FBXO9: variants seen among roughly 807,000 people sequenced by gnomAD.
FBXO9 encodes F-box only protein 9.
FBXO9 carries 43 observed loss-of-function variants against 63.7 expected under a neutral mutation model. That is an observed-to-expected ratio of 0.67 (90% confidence interval 0.53 to 0.87). The LOEUF is 0.87. Ranked by LOEUF, FBXO9 falls within the 40% of genes least tolerant of loss-of-function variation. The pLI is 0.00. For missense variants in FBXO9, 442 were observed against 533.2 expected (o/e 0.83, Z 1.68); for synonymous variants, 156 against 171.7 (o/e 0.91, Z 0.72).
In FBXO9 at chr6:53,087,449, A is replaced by G. The variant is rs1275762457; in HGVS notation, c.653+4831A>G. Among the ~76,000 whole-genome samples the G allele has an allele frequency of 2.6e-5, 4 of 152,230 alleles. No homozygotes were observed. The East Asian group carries it at 7.7e-4, about 29-fold the overall frequency. ...AAGAGGAGTTGACAAAAAGGTTGAA[A>G]GAGAGAGTTATCACCCTAGCCAAGC... On this transcript the variant is annotated intron_variant, in intron 7 of 12. Coordinates refer to ENST00000323557, the MANE Select transcript of FBXO9 (RefSeq NM_033480.3).
At position 53,093,433 on chromosome 6, in the gene FBXO9, GT is replaced by G. The variant is rs915279902; in HGVS notation, c.864-32del. On this transcript the variant is annotated intron_variant, in intron 9 of 12. Coordinates refer to ENST00000323557, the MANE Select transcript of FBXO9 (RefSeq NM_033480.3). ...ACATATTTTATACTTTGTGTGGGGG[GT>G]GTGTTTTGGTCTTCCTTTTCTTATT... 2.1e-6 allele frequency: 3 copies of G among 1,415,800 alleles called. No individual in the cohort carries two copies. In the African/African-American group the frequency reaches 4.2e-5, roughly 20 times the overall value. The allele number at this position is 1,415,800 out of a possible 1,614,324, so 87.7% of individuals were successfully genotyped here.
intron 6 of FBXO9, among the ~76,000 whole-genome samples, chr6:53,081,622 T>C (rs1023863342): frequency 2.0e-5 from 3 of 152,222 alleles, no homozygotes; most frequent in Non-Finnish European, 2.9e-5. Flanking sequence ...GTAGTGCTGT[T>C]GTTTAAGGAT....
intron 12 of FBXO9, among the ~76,000 whole-genome samples, chr6:53,096,589 A>AT (rs908603853): frequency 3.1e-4 from 47 of 150,076 alleles, no homozygotes; most frequent in East Asian, 7.8e-4. Context: ...ATGCTGTGGG[A>AT]TTTTTTTTTT....
chr6:53,075,047 CTTATA>C (rs1249866267), intron 3 of FBXO9, among the ~76,000 whole-genome samples: 7 of 152,108 alleles, frequency 4.6e-5, no homozygotes, highest in Non-Finnish European at 1.0e-4. Flanking sequence ...TCTAGAGTAT[CTTATA>C]TTAAGTTCCC....
intron 7 of FBXO9, among the ~76,000 whole-genome samples, chr6:53,082,982 G>A (rs575435252): frequency 6.6e-6 from 1 of 152,124 alleles, no homozygotes. Context: ...AACAGCACTA[G>A]CATTTTCTTA....
intron 7 of FBXO9, among the ~76,000 whole-genome samples, chr6:53,086,653 A>T (rs896912872): frequency 9.9e-5 from 15 of 152,230 alleles, no homozygotes; most frequent in Admixed American, 7.8e-4. Flanking sequence ...AGGAGAATAC[A>T]TGGCTCTTAA....
intron 5 of FBXO9, among the ~76,000 whole-genome samples, chr6:53,080,680 C>T (rs763507003): frequency 2.6e-5 from 4 of 152,300 alleles, no homozygotes; most frequent in Non-Finnish European, 5.9e-5. Flanking sequence ...CTTGCAGTAA[C>T]TCATAAAATC....
At chr6:53,068,637 AAT>A (rs10667878) in intron 1 of FBXO9, among the ~76,000 whole-genome samples, 1 of 142,456 alleles carries the variant, frequency 7.0e-6, no homozygotes. Context: ...CATCTTACGG[AAT>A]ATATATATAT....
rs766749556 is a variant in FBXO9, at chr6:53,099,982, T to C, written c.*2152T>C. 2.0e-5 allele frequency: 3 copies of C among 152,208 alleles called. No individual in the cohort carries two copies. The highest frequency in any genetic ancestry group is 7.2e-5 in the African/African-American group (3 of 41,456). The allele number at this position is 152,208 out of a possible 1,614,324, so 9.4% of individuals were successfully genotyped here. The stretch of plus-strand genomic sequence containing the variant: ...CCTGTTGTTCTGCAACATCCCTAGA[T>C]TGAATGATCTGTTGCAGATGGTGGA... On this transcript the variant is annotated 3_prime_UTR_variant, in exon 13 of 13. Transcript: ENST00000323557.
rs868352826 is a variant in FBXO9 at position 53,071,105 on chromosome 6, G to A, written c.52G>A (p.Asp18Asn). The part of the protein sequence containing the change: ...CHSDTVRADD[D>N]EENESPAETD... ...TTCTGATACTGTCAGAGCAGATGAT[G>A]ATGAAGAAAATGAAAGTCCTGCTGA... Residue 18 changes from aspartate (D) to asparagine (N), a missense_variant, in exon 2 of 13, where the codon GAT becomes AAT. Around this residue, in one of 2 missense-constraint regions of FBXO9, gnomAD observed 180 missense variants for 171.1 expected, o/e 1.05. Coordinates refer to ENST00000323557, the MANE Select transcript of FBXO9 (RefSeq NM_033480.3). 1.3e-6 allele frequency: 2 copies of A among 1,571,930 alleles called. No homozygotes were observed. Among genetic ancestry groups the A allele is most frequent in the Non-Finnish European group, 1.7e-6 (2 of 1,156,546 alleles).
chr6:53,066,016 C>G, intron 1 of FBXO9: 2 of 1,213,332 alleles, frequency 1.6e-6, no homozygotes, highest in Non-Finnish European at 2.1e-6. Context: ...CCTCCCCAAC[C>G]CCCGCCGAGC....
At chr6:53,089,242 T>A (rs1554185860) in intron 7 of FBXO9, among the ~76,000 whole-genome samples, 2 of 151,876 alleles carry the variant, frequency 1.3e-5, no homozygotes, top group Non-Finnish European at 2.9e-5. Flanking sequence ...GCCCGGCTAA[T>A]TTTTTGTATT....
chr6:53,067,199 G>A (rs545955659), intron 1 of FBXO9, among the ~76,000 whole-genome samples: 1 of 152,256 alleles, frequency 6.6e-6, no homozygotes, highest in South Asian at 2.1e-4. Flanking sequence ...ATCACAGAAT[G>A]TCACATGAAA....
At chr6:53,097,508 C>T (rs2127501109) in intron 12 of FBXO9, among the ~76,000 whole-genome samples, 1 of 152,238 alleles carries the variant, frequency 6.6e-6, no homozygotes, top group East Asian at 1.9e-4. Context: ...AAATATCCTT[C>T]ATATGGCTCT....
intron 7 of FBXO9, among the ~76,000 whole-genome samples, chr6:53,084,998 G>T (rs997879722): frequency 2.6e-5 from 4 of 152,114 alleles, no homozygotes; most frequent in African/African-American, 7.2e-5. Flanking sequence ...GACATTTTCA[G>T]TCAAAGCCTT....
chr6:53,079,030 T>C, intron 5 of FBXO9, 132 bp downstream of exon 5: 1 of 462,560 alleles, frequency 2.2e-6, no homozygotes, highest in Middle Eastern at 2.9e-4. Flanking sequence ...TTTATAAAGT[T>C]GTAGAAATTT....
intron 7 of FBXO9, among the ~76,000 whole-genome samples, chr6:53,085,349 C>T (rs1769447881): frequency 6.6e-6 from 1 of 152,034 alleles, no homozygotes; most frequent in South Asian, 2.1e-4. Flanking sequence ...AGAGTCTTTT[C>T]CATAAACAGC....
intron 7 of FBXO9, among the ~76,000 whole-genome samples, chr6:53,086,165 GA>G (rs1762879568): frequency 6.6e-6 from 1 of 152,066 alleles, no homozygotes; most frequent in Non-Finnish European, 1.5e-5. Context: ...AAAAGAAAAA[GA>G]AAATCTCAAA....
At chr6:53,090,748 A>G (rs1763017618) in intron 7 of FBXO9, 1 of 152,042 alleles carries the variant, frequency 6.6e-6, no homozygotes, top group African/African-American at 2.4e-5. Context: ...TGACACCATC[A>G]TGGCTCACTG....
Sources: allele counts gnomAD v4.1 joint callset (sites outside exome capture counted in the v4.1 genomes callset), GRCh38; gene constraint gnomAD v4.1.1; regional missense constraint gnomAD v4.1.1; transcripts MANE v1.5; gene names NCBI Gene and HGNC (gene_info 2026-07-23, HGNC 2026-07-21).